Variants in FRMPD4 observed in about 807,000 individuals in gnomAD.
FRMPD4 encodes the protein FERM and PDZ domain-containing protein 4.
A neutral mutation model predicts 94.1 loss-of-function variants in FRMPD4; 22 were observed. That is an observed-to-expected ratio of 0.23 (90% CI 0.17 to 0.33). The LOEUF (loss-of-function observed/expected upper bound fraction) is 0.33. Among genes scored for constraint, FRMPD4 ranks in the 10% least tolerant of loss-of-function variants. FRMPD4 has a pLI of 1.00. For missense variants in FRMPD4, 1,111 were observed against 1,339.9 expected, an observed-to-expected ratio of 0.83 and a Z score of 2.67; for synonymous variants, 631 against 548.6, an observed-to-expected ratio of 1.15 and a Z score of -2.10.
At chrX:11,924,815 C>A (rs1054922129) in intron 3 of FRMPD4, among the ~76,000 whole-genome samples, 1 of 111,817 alleles carries the variant, frequency 8.9e-6, no homozygotes, top group Admixed American at 9.5e-5. Context: ...CTGAAGTACA[C>A]AGACCAGTGA....
In FRMPD4 at chrX:12,385,049, C is replaced by T. The variant is rs187569675; in HGVS notation, c.42-113631C>T. Reference sequence around the variant, plus strand: ...CGGATGGCTGATGTCTTTTTTTTCCCCCATATCTTTTGAGAAAGCTGTCCA... The same window carrying T: ...CGGATGGCTGATGTCTTTTTTTTCCTCCATATCTTTTGAGAAAGCTGTCCA... On this transcript the variant is annotated intron_variant, in intron 1 of 16. Coordinates refer to ENST00000675598, the MANE Select transcript of FRMPD4 (RefSeq NM_001368397.1). 6.9e-3 allele frequency among the ~76,000 whole-genome samples: 768 copies of T among 111,840 alleles called. 1 individual carries two copies. The highest frequency in any genetic ancestry group is 0.011 in the Non-Finnish European group (606 of 53,096).
chrX:12,327,639 T>C (rs1179052442), intron 1 of FRMPD4, among the ~76,000 whole-genome samples: 1 of 112,024 alleles, frequency 8.9e-6, no homozygotes, highest in Non-Finnish European at 1.9e-5. Context: ...GTATGCAAAT[T>C]TGTAGTTTAT....
intron 1 of FRMPD4, among the ~76,000 whole-genome samples, chrX:12,193,957 A>G (rs2056536790): frequency 9.2e-6 from 1 of 108,819 alleles, no homozygotes; most frequent in Non-Finnish European, 1.9e-5. Context: ...TCCGTGAATT[A>G]CTTGTACAGT....
rs368426148 is a variant in FRMPD4 at position 11,881,877 on chromosome X, C to T, written c.95+3859C>T. 3.8e-4 allele frequency among the ~76,000 whole-genome samples: 42 copies of T among 111,839 alleles called. No individual in the cohort carries two copies. The East Asian group carries it at 9.0e-3, about 24-fold the overall frequency. ...AAACACGAATAAGTATAATACAGTGCAGTGAATGCAGCGATTAAGACTAAG... is the reference window on the plus strand; with the variant it reads ...AAACACGAATAAGTATAATACAGTGTAGTGAATGCAGCGATTAAGACTAAG... On this transcript the variant is annotated intron_variant, in intron 3 of 18. Coordinates refer to the FRMPD4 transcript ENST00000640291.
At chrX:12,278,484 C>T (rs1343567516) in intron 1 of FRMPD4, among the ~76,000 whole-genome samples, 1 of 112,390 alleles carries the variant, frequency 8.9e-6, no homozygotes, top group Non-Finnish European at 1.9e-5. Context: ...GCTTTTTTCT[C>T]ATCCAGCCAG....
Position 12,140,844 on chromosome X carries a change from G to C in FRMPD4, c.41+1832G>C, listed in dbSNP as rs774775164. Among the ~76,000 whole-genome samples, 24 of 112,008 alleles carry C rather than the reference G, an allele frequency of 2.1e-4. No homozygotes were observed. In the East Asian group the frequency reaches 6.7e-3, roughly 31 times the overall value. ...GGGGAGAGTGGTATCTTATTTTAAA[G>C]AGAGTTTAAAATTTAGTAAATGAGT... On this transcript the variant is annotated intron_variant, in intron 1 of 16. Transcript: ENST00000675598.
chrX:12,718,548 C>A lies in FRMPD4; in HGVS notation c.3722C>A (p.Pro1241His). The A allele has an allele frequency of 4.2e-6, 5 of 1,203,372 alleles. No homozygotes were observed. The highest frequency in any genetic ancestry group is 4.5e-6 in the Non-Finnish European group (4 of 887,639). Residue 1241 changes from proline (P) to histidine (H), a missense_variant, in exon 16 of 17, where the codon CCC becomes CAC. Physicochemically the swap from Pro to His is moderately conservative, Grantham distance 77. This residue lies in a region of FRMPD4 where 551 missense variants were observed against 591.6 expected (regional missense o/e 0.93). Coordinates refer to ENST00000675598, the MANE Select transcript of FRMPD4 (RefSeq NM_001368397.1). ...CATPVESPLC[P>H]SLGKHLIPDA... is the part of the protein sequence containing the mutation. ...ACACCCGTGGAGTCGCCGCTCTGCC[C>A]CTCCCTGGGGAAGCACTTGATTCCT...
chrX:12,452,965 C>CTTTTGA (rs1372458786), intron 1 of FRMPD4, among the ~76,000 whole-genome samples: 1 of 112,028 alleles, frequency 8.9e-6, no homozygotes, highest in Non-Finnish European at 1.9e-5. Context: ...ATTATCTCTA[C>CTTTTGA]TTTTGATTTT....
chrX:12,070,683 C>T (rs781083769), intron 3 of FRMPD4, among the ~76,000 whole-genome samples: 5 of 111,768 alleles, frequency 4.5e-5, no homozygotes, highest in Admixed American at 9.5e-5. Context: ...GCAGAGCCCT[C>T]GTCACTACTG....
intron 1 of FRMPD4, among the ~76,000 whole-genome samples, chrX:11,837,719 G>A (rs2053509179): frequency 9.0e-6 from 1 of 111,180 alleles, no homozygotes; most frequent in African/African-American, 3.3e-5. Context: ...TTAAATTCTA[G>A]AGGCTATTTT....
upstream of FRMPD4, among the ~76,000 whole-genome samples, chrX:12,134,579 C>G (rs1265838073): frequency 8.9e-6 from 1 of 112,181 alleles, no homozygotes; most frequent in Non-Finnish European, 1.9e-5. Context: ...TATGGAACAT[C>G]TGGCCCAATA....
At chrX:12,533,396 C>T (rs959999558) in intron 2 of FRMPD4, among the ~76,000 whole-genome samples, 3 of 111,689 alleles carry the variant, frequency 2.7e-5, no homozygotes, top group African/African-American at 6.5e-5. Context: ...TAAATTGGTA[C>T]CAGGAGAGTG....
intron 1 of FRMPD4, among the ~76,000 whole-genome samples, chrX:12,223,434 A>G (rs1221196862): frequency 8.9e-6 from 1 of 111,836 alleles, no homozygotes; most frequent in Non-Finnish European, 1.9e-5. Flanking sequence ...GGAACAGTAG[A>G]CACCGGGGCC....
intron 3 of FRMPD4, among the ~76,000 whole-genome samples, chrX:11,999,134 G>T (rs760743310): frequency 9.0e-6 from 1 of 111,257 alleles, no homozygotes; most frequent in Non-Finnish European, 1.9e-5. Context: ...GCCCTTGCAC[G>T]TGCTGCCTCC....
chrX:11,994,322 G>T (rs766806208), intron 3 of FRMPD4, among the ~76,000 whole-genome samples: 1 of 111,098 alleles, frequency 9.0e-6, no homozygotes, highest in Non-Finnish European at 1.9e-5. Flanking sequence ...AAAGTCAGAG[G>T]GATGTTATTT....
intron 2 of FRMPD4, among the ~76,000 whole-genome samples, chrX:12,553,017 G>A (rs769282742): frequency 4.5e-5 from 5 of 111,344 alleles, no homozygotes; most frequent in East Asian, 5.7e-4. Context: ...TTAGCTGGGC[G>A]TGGTGGCATG....
chrX:12,077,082 A>G (rs906926009), intron 3 of FRMPD4, among the ~76,000 whole-genome samples: 1 of 110,883 alleles, frequency 9.0e-6, no homozygotes, highest in Non-Finnish European at 1.9e-5. Flanking sequence ...TTTTCTCATG[A>G]TTTTACAGGG....
chrX:12,090,427 G>A (rs2055144569), intron 3 of FRMPD4, among the ~76,000 whole-genome samples: 1 of 110,180 alleles, frequency 9.1e-6, no homozygotes, highest in Middle Eastern at 4.6e-3. Flanking sequence ...CTGCAGAACT[G>A]TGAGCCAATT....
rs2041901731 is a variant in FRMPD4, at chrX:12,707,583, A to G, written c.1402A>G (p.Asn468Asp). 3.3e-6 allele frequency: 4 copies of G among 1,210,977 alleles called. No individual in the cohort carries two copies. Among genetic ancestry groups the G allele is most frequent in the Non-Finnish European group, 4.5e-6 (4 of 894,738 alleles). ...VALLADFSHV[N>D]RIEMFSEEES... ...TCTTTTAGCCGACTTTAGCCACGTC[A>G]ACAGGATCGAAATGTTTTCCGAGGA... The change falls in exon 13 of 17, where the codon AAC (asparagine) becomes GAC (aspartate). Residue 468 changes from asparagine to aspartate, a missense_variant. Coordinates refer to ENST00000675598, the MANE Select transcript of FRMPD4 (RefSeq NM_001368397.1).
Sources: allele counts gnomAD v4.1 joint callset (sites outside exome capture counted in the v4.1 genomes callset), GRCh38; gene constraint gnomAD v4.1.1; regional missense constraint gnomAD v4.1.1; transcripts MANE v1.5; gene names NCBI Gene and HGNC (gene_info 2026-07-23, HGNC 2026-07-21).